The following ARL14EPL variants were observed in gnomAD, a reference collection of about 807,000 sequenced individuals.
ARL14EPL encodes the protein ARL14 effector protein-like.
Under a neutral mutation model 15.9 loss-of-function variants are expected in ARL14EPL, and 17 were observed. That is an observed-to-expected ratio of 1.07 (90% CI 0.73 to 1.60). The LOEUF (loss-of-function observed/expected upper bound fraction) is 1.60, where lower values mean the gene tolerates loss of function less well. ARL14EPL is among the 40% of genes most tolerant of loss of function. The probability of loss-of-function intolerance (pLI) is 0.00; values close to 1 mark genes in which losing one functional copy is unlikely to be tolerated. For missense variants in ARL14EPL, 214 were observed against 185.9 expected (o/e 1.15, Z -0.88); for synonymous variants, 78 against 63.8 (o/e 1.22, Z -1.06).
rs1749142715 is a variant in ARL14EPL at position 116,040,943 on chromosome 5, G to A, written c.-10+8438G>A. ...TGCAGTGAGCTGAAATAGCGCCACT[G>A]CACTCCAGCCTGGGAGACAGAACGA... is the stretch of plus-strand genomic sequence containing the variant. On this transcript the variant is annotated intron_variant, in intron 1 of 3. Coordinates refer to ENST00000686077, the MANE Select transcript of ARL14EPL (RefSeq NM_001195581.2). Among the ~76,000 whole-genome samples, 3 of 122,304 alleles carry A rather than the reference G, an allele frequency of 2.5e-5. No individual in the cohort carries two copies. In the Admixed American group the frequency reaches 3.1e-4, roughly 13 times the overall value. The allele number at this position is 122,304 out of a possible 152,430, so 80.2% of individuals were successfully genotyped here.
intron 1 of ARL14EPL, among the ~76,000 whole-genome samples, chr5:116,038,425 G>C (rs375236947): frequency 6.6e-6 from 1 of 152,284 alleles, no homozygotes; most frequent in East Asian, 1.9e-4. Flanking sequence ...GTGGGTCCTG[G>C]AAGTGGGAAC....
intron 1 of ARL14EPL, among the ~76,000 whole-genome samples, chr5:116,038,685 T>A (rs897516276): frequency 6.8e-6 from 1 of 147,466 alleles, no homozygotes; most frequent in Admixed American, 6.8e-5. Flanking sequence ...AGGTTAGAAG[T>A]TGGCCTGGGA....
At chr5:116,046,584 T>C (rs1749272445) in intron 1 of ARL14EPL, among the ~76,000 whole-genome samples, 1 of 152,200 alleles carries the variant, frequency 6.6e-6, no homozygotes, top group Non-Finnish European at 1.5e-5. Flanking sequence ...TGTGGTATTC[T>C]GAGGCTTAAA....
chr5:116,053,915 T>G lies in ARL14EPL; in HGVS notation c.97-99T>G, dbSNP rs1360157445. On this transcript the variant is annotated intron_variant, in intron 2 of 3. Transcript: ENST00000686077. ...TTTGTGTAAAACATATATACTTTCA[T>G]GCCTTTATGGTGAAAGTTACAGAAA... 1.3e-5 allele frequency: 13 copies of G among 973,908 alleles called. No homozygotes were observed. In the East Asian group the frequency reaches 3.4e-4, roughly 26 times the overall value. The allele number at this position is 973,908 out of a possible 1,614,324, so 60.3% of individuals were successfully genotyped here. A position where few individuals can be genotyped will look rare whatever the true frequency, so the allele number is the denominator to read the frequency against.
chr5:116,052,120 G>T (rs879183762), intron 2 of ARL14EPL: 14 of 1,612,368 alleles, frequency 8.7e-6, no homozygotes, highest in Non-Finnish European at 1.2e-5. Context: ...TACAGAGTTT[G>T]TCATAGGTAG....
At chr5:116,040,993 A>AAAAAAAAAAAAAAAAAAAAAAAAAT (rs1749145407) in intron 1 of ARL14EPL, among the ~76,000 whole-genome samples, 1 of 145,298 alleles carries the variant, frequency 6.9e-6, no homozygotes, top group African/African-American at 2.5e-5. Flanking sequence ...AAAAAAAAAA[A>AAAAAAAAAAAAAAAAAAAAAAAAAT]GTTTTTATGC....
chr5:116,041,482 G>A (rs917515189), intron 1 of ARL14EPL, among the ~76,000 whole-genome samples: 3 of 152,084 alleles, frequency 2.0e-5, no homozygotes, highest in Admixed American at 6.5e-5. Flanking sequence ...TGGAGCTGCT[G>A]GAGGTCCTGA....
chr5:116,053,669 C>T (rs1749449494), intron 2 of ARL14EPL, among the ~76,000 whole-genome samples: 1 of 152,308 alleles, frequency 6.6e-6, no homozygotes, highest in South Asian at 2.1e-4. Flanking sequence ...ACTCCTTCAT[C>T]CTTACCCACA....
intron 1 of ARL14EPL, among the ~76,000 whole-genome samples, chr5:116,040,928 T>C (rs2662461): frequency 0.9 from 127,178 of 141,584 alleles, 57,224 homozygotes; most frequent in Admixed American, 0.94. Context: ...TGCAGTGAGC[T>C]GAAATAGCGC....
intron 1 of ARL14EPL, among the ~76,000 whole-genome samples, chr5:116,041,551 C>T (rs748952535): frequency 2.0e-5 from 3 of 152,126 alleles, no homozygotes; most frequent in Non-Finnish European, 4.4e-5. Flanking sequence ...ACCTGCTAGT[C>T]ACTCCATTTT....
chr5:116,054,170 T>C lies in ARL14EPL; in HGVS notation c.236+17T>C, dbSNP rs780623701. The C allele has an allele frequency of 7.8e-6, 12 of 1,530,958 alleles. No individual in the cohort carries two copies. Among genetic ancestry groups the C allele is most frequent in the African/African-American group, 2.7e-5 (2 of 72,958 alleles). The allele number at this position is 1,530,958 out of a possible 1,614,324, so 94.8% of individuals were successfully genotyped here. On this transcript the variant is annotated intron_variant, in intron 3 of 3. Transcript: ENST00000686077. Reference sequence around the variant, plus strand: ...CAAATACAAGTAAGATTCTGACTTATTGTATTTGATCTGTGGGATTATGAA... The same window carrying C: ...CAAATACAAGTAAGATTCTGACTTACTGTATTTGATCTGTGGGATTATGAA...
chr5:116,051,222 A>T (rs1749369962), intron 1 of ARL14EPL: 3 of 449,724 alleles, frequency 6.7e-6, no homozygotes, highest in African/African-American at 6.0e-5. Context: ...AGGACTGTCA[A>T]AGGTACTATT....
intron 2 of ARL14EPL, 100 bp downstream of exon 2, chr5:116,051,661 G>C (rs77950036): frequency 9.0e-6 from 9 of 1,004,046 alleles, no homozygotes; most frequent in African/African-American, 1.6e-5. Flanking sequence ...GGCCCAGGCA[G>C]GACCTCACAG....
At chr5:116,055,585 C>T (rs1039484616) in intron 3 of ARL14EPL, among the ~76,000 whole-genome samples, 1 of 151,750 alleles carries the variant, frequency 6.6e-6, no homozygotes, top group Non-Finnish European at 1.5e-5. Context: ...TTAGGGATAC[C>T]TACATATGTG....
rs937500115 is a variant in ARL14EPL at position 116,045,760 on chromosome 5, GTGTGTGTGTGTGTGT to G, written c.-9-5696_-9-5682del. 1.2e-3 allele frequency among the ~76,000 whole-genome samples: 114 copies of G among 97,642 alleles called. 2 individuals carry two copies. The highest frequency in any genetic ancestry group is 0.014 in the Middle Eastern group (2 of 148). The allele number at this position is 97,642 out of a possible 152,430, so 64.1% of individuals were successfully genotyped here. ...GACCCACAGAAGTGTGTGTGTGTGTGTGTGTGTGTGTGTGTGTGTGTATGTGTACGAAAATACAAC... is the reference window on the plus strand; with the variant it reads ...GACCCACAGAAGTGTGTGTGTGTGTGGTGTGTATGTGTACGAAAATACAAC... On this transcript the variant is annotated intron_variant, in intron 1 of 3. Coordinates refer to ENST00000686077, the MANE Select transcript of ARL14EPL (RefSeq NM_001195581.2).
At chr5:116,051,216 C>A in intron 1 of ARL14EPL, 1 of 415,678 alleles carries the variant, frequency 2.4e-6, no homozygotes, top group Non-Finnish European at 4.3e-6. Context: ...ATGCTAAGGA[C>A]TGTCAAAGGT....
chr5:116,058,879 G>C lies in ARL14EPL; in HGVS notation c.391G>C (p.Val131Leu). The change falls in exon 4 of 4, where the codon GTT becomes CTT. Residue 131 changes from valine to leucine, a missense_variant. Val to Leu is a conservative substitution (Grantham distance 32). Coordinates refer to ENST00000686077, the MANE Select transcript of ARL14EPL (RefSeq NM_001195581.2). ...GPECRCNRRW[V>L]YDAIVTESGE... ...CGAGTGCCGCTGCAACCGACGGTGG[G>C]TTTACGATGCCATCGTCACTGAGTC... is the stretch of plus-strand genomic sequence containing the variant. 1.3e-6 allele frequency: 2 copies of C among 1,536,080 alleles called. No homozygotes were observed. The highest frequency in any genetic ancestry group is 1.7e-6 in the Non-Finnish European group (2 of 1,146,892).
intron 1 of ARL14EPL, among the ~76,000 whole-genome samples, chr5:116,035,030 GA>G (rs950971835): frequency 1.3e-5 from 2 of 152,144 alleles, no homozygotes; most frequent in Non-Finnish European, 2.9e-5. Context: ...CAAATCTCAG[GA>G]TCTCTCTCCT....
At chr5:116,057,168 C>T (rs1043719971) in intron 3 of ARL14EPL, among the ~76,000 whole-genome samples, 4 of 152,116 alleles carry the variant, frequency 2.6e-5, no homozygotes, top group Non-Finnish European at 4.4e-5. Context: ...GAACCAAAGA[C>T]AAAAACCACA....
Sources: allele counts gnomAD v4.1 joint callset (sites outside exome capture counted in the v4.1 genomes callset), GRCh38; gene constraint gnomAD v4.1.1; transcripts MANE v1.5; gene names NCBI Gene and HGNC (gene_info 2026-07-23, HGNC 2026-07-21).